RANBP17: variants seen among roughly 807,000 people sequenced by gnomAD.
RANBP17 encodes ran-binding protein 17.
In RANBP17, 158 loss-of-function variants were observed where a neutral mutation model predicts 141.2. That is an observed-to-expected ratio of 1.12 (90% confidence interval 0.98 to 1.28). RANBP17 has a LOEUF of 1.28. Among genes scored for constraint, RANBP17 ranks in the 50% most tolerant of loss-of-function variants. The pLI is 0.00. For synonymous variants in RANBP17, 430 were observed against 450.0 expected (o/e 0.96, Z 0.56); for missense variants, 1,438 against 1,290.7 (o/e 1.11, Z -1.75).
At chr5:171,076,972 A>G (rs1784965174) in intron 14 of RANBP17, among the ~76,000 whole-genome samples, 1 of 152,144 alleles carries the variant, frequency 6.6e-6, no homozygotes, top group African/African-American at 2.4e-5. Flanking sequence ...GAGTATTACC[A>G]TTTTTGTAAT....
chr5:171,113,624 G>A (rs1755404324), intron 14 of RANBP17, among the ~76,000 whole-genome samples: 2 of 152,076 alleles, frequency 1.3e-5, no homozygotes, highest in African/African-American at 2.4e-5. Flanking sequence ...TTGAGTCCTA[G>A]AGAAGTTAAG....
chr5:171,183,945 A>G (rs1433305725), intron 18 of RANBP17, among the ~76,000 whole-genome samples: 1 of 152,212 alleles, frequency 6.6e-6, no homozygotes, highest in African/African-American at 2.4e-5. Context: ...TGAAAAGGCA[A>G]AGTGTTACAC....
chr5:171,164,704 T>C (rs182107304), intron 14 of RANBP17, among the ~76,000 whole-genome samples: 2 of 152,320 alleles, frequency 1.3e-5, no homozygotes, highest in African/African-American at 4.8e-5. Context: ...CTAATCACTT[T>C]CCATATTTCA....
intron 14 of RANBP17, 184 bp downstream of exon 14, chr5:170,968,561 C>G (rs990105198): frequency 3.1e-6 from 2 of 649,926 alleles, no homozygotes; most frequent in Non-Finnish European, 2.8e-6. Flanking sequence ...TTACCATTTT[C>G]TTTAAAGATT....
intron 14 of RANBP17, among the ~76,000 whole-genome samples, chr5:171,046,519 T>G (rs1465398264): frequency 1.3e-5 from 2 of 152,174 alleles, no homozygotes; most frequent in South Asian, 2.1e-4. Context: ...TTCTGCCTTT[T>G]TAATGGCTGC....
chr5:171,172,893 T>C (rs1760199367), intron 16 of RANBP17, among the ~76,000 whole-genome samples: 1 of 151,980 alleles, frequency 6.6e-6, no homozygotes, highest in Non-Finnish European at 1.5e-5. Flanking sequence ...TTACATGCTG[T>C]TTATTGCTTT....
intron 22 of RANBP17, among the ~76,000 whole-genome samples, chr5:171,222,111 T>C (rs980982389): frequency 7.2e-5 from 11 of 152,196 alleles, no homozygotes; most frequent in Non-Finnish European, 7.3e-5. Flanking sequence ...AGGTAGAATA[T>C]TGAAAAGTTA....
intron 25 of RANBP17, among the ~76,000 whole-genome samples, chr5:171,274,801 T>A (rs955968785): frequency 4.6e-5 from 7 of 152,210 alleles, no homozygotes; most frequent in Non-Finnish European, 1.0e-4. Context: ...AGTGTAGTCA[T>A]AGACTGCTAC....
intron 14 of RANBP17, among the ~76,000 whole-genome samples, chr5:171,004,619 G>A (rs1293844955): frequency 2.0e-5 from 3 of 152,160 alleles, no homozygotes; most frequent in African/African-American, 4.8e-5. Flanking sequence ...TGATAGTCCA[G>A]GGGGCTTCCA....
intron 14 of RANBP17, among the ~76,000 whole-genome samples, chr5:171,152,210 C>T (rs991174806): frequency 4.6e-5 from 7 of 150,862 alleles, no homozygotes; most frequent in African/African-American, 1.2e-4. Flanking sequence ...GTCAGGAGTT[C>T]GAGACCAGCC....
At chr5:171,103,963 C>T (rs1787367105) in intron 14 of RANBP17, among the ~76,000 whole-genome samples, 1 of 152,186 alleles carries the variant, frequency 6.6e-6, no homozygotes, top group Non-Finnish European at 1.5e-5. Context: ...ATGAGATGAG[C>T]CAGGTACCTC....
intron 14 of RANBP17, among the ~76,000 whole-genome samples, chr5:170,969,133 A>G (rs944551213): frequency 4.0e-5 from 6 of 151,830 alleles, no homozygotes; most frequent in Non-Finnish European, 7.4e-5. Context: ...TGTAACCTTC[A>G]GTTTACTTAG....
At chr5:171,225,938 A>G (rs1763854556) in intron 22 of RANBP17, among the ~76,000 whole-genome samples, 1 of 152,198 alleles carries the variant, frequency 6.6e-6, no homozygotes, top group Non-Finnish European at 1.5e-5. Context: ...AGGGTCAGCA[A>G]TGAGGTTAGC....
At chr5:170,938,637 CCTG>C (rs553919900) in intron 12 of RANBP17, among the ~76,000 whole-genome samples, 17 of 152,090 alleles carry the variant, frequency 1.1e-4, no homozygotes, top group African/African-American at 4.1e-4. Flanking sequence ...ATGAAAAGGA[CCTG>C]AAAAAACTTT....
chr5:171,184,305 A>G (rs1298208680), intron 18 of RANBP17, among the ~76,000 whole-genome samples: 2 of 152,250 alleles, frequency 1.3e-5, no homozygotes, highest in Non-Finnish European at 2.9e-5. Flanking sequence ...TCAGCCATAA[A>G]AAAGGAAAAA....
At chr5:171,043,134 A>G (rs950176697) in intron 14 of RANBP17, among the ~76,000 whole-genome samples, 1 of 152,214 alleles carries the variant, frequency 6.6e-6, no homozygotes, top group Non-Finnish European at 1.5e-5. Context: ...TCCTTGAATT[A>G]CTTTTGTAAT....
intron 14 of RANBP17, among the ~76,000 whole-genome samples, chr5:171,060,671 G>C (rs2127671247): frequency 6.6e-6 from 1 of 152,142 alleles, no homozygotes; most frequent in East Asian, 1.9e-4. Context: ...GATGATGCTG[G>C]CCTCATAAAA....
At chr5:171,114,128 T>C (rs78910526) in intron 14 of RANBP17, among the ~76,000 whole-genome samples, 3,035 of 152,272 alleles carry the variant, frequency 0.02, 97 homozygotes, top group African/African-American at 0.068. Context: ...AAATAAAAGC[T>C]TCCTGGGTTC....
chr5:170,931,645 C>G (rs1773395088), intron 12 of RANBP17, among the ~76,000 whole-genome samples: 1 of 152,154 alleles, frequency 6.6e-6, no homozygotes, highest in African/African-American at 2.4e-5. Flanking sequence ...GTTTTCCCAG[C>G]ACCGTTTATT....
Sources: allele counts gnomAD v4.1 joint callset (sites outside exome capture counted in the v4.1 genomes callset), GRCh38; gene constraint gnomAD v4.1.1; transcripts MANE v1.5; gene names NCBI Gene and HGNC (gene_info 2026-07-23, HGNC 2026-07-21).